PLCB4: variants seen among roughly 807,000 people sequenced by gnomAD.
PLCB4 encodes phospholipase C beta 4.
PLCB4 carries 77 observed loss-of-function variants against 178.8 expected under a neutral mutation model. The observed-to-expected ratio is 0.43, with a 90% CI of 0.36 to 0.52. The LOEUF (loss-of-function observed/expected upper bound fraction) is 0.52. Among genes scored for constraint, PLCB4 ranks in the 20% least tolerant of loss-of-function variants. PLCB4 has a pLI of 0.00. For missense variants in PLCB4, 1,024 were observed against 1,453.4 expected (o/e 0.70, Z 4.80); for synonymous variants, 496 against 490.8 (o/e 1.01, Z -0.14).
In PLCB4 at chr20:9,457,429, C is replaced by T. The variant is rs760922623; in HGVS notation, c.3012C>T (p.Leu1004=). The change falls in exon 34 of 40, where the codon CTC becomes CTT. Residue 1004 remains leucine (L), a synonymous_variant. Coordinates refer to ENST00000378473, the MANE Select transcript of PLCB4 (RefSeq NM_001377142.1). ...AMKKKGGSNC[L]EMKKETEIKI... ...CCATTTTCAGGGGAAGTAATTGTCT[C>T]GAAATGAAAAAAGAAACAGAAATCA... The T allele has an allele frequency of 3.7e-5, 57 of 1,539,788 alleles. 1 individual carries two copies. The highest frequency in any genetic ancestry group is 3.4e-4 in the Middle Eastern group (2 of 5,956).
intron 2 of PLCB4, among the ~76,000 whole-genome samples, chr20:9,190,031 C>G (rs1428151761): frequency 6.6e-6 from 1 of 152,118 alleles, no homozygotes; most frequent in Non-Finnish European, 1.5e-5. Flanking sequence ...CTCGGAGGCA[C>G]AAACTCACAT....
At chr20:9,187,944 T>G (rs555035012) in intron 2 of PLCB4, among the ~76,000 whole-genome samples, 1 of 152,346 alleles carries the variant, frequency 6.6e-6, no homozygotes, top group East Asian at 1.9e-4. Context: ...GGGTTATAAA[T>G]ATGGCTCTGG....
intron 7 of PLCB4, among the ~76,000 whole-genome samples, chr20:9,352,099 T>C (rs2034397022): frequency 6.6e-6 from 1 of 152,206 alleles, no homozygotes; most frequent in African/African-American, 2.4e-5. Context: ...CCTCCATTCT[T>C]CTAGAGCTTT....
rs1006153764 is a variant in PLCB4 at position 9,456,096 on chromosome 20, G to A, written c.2997-1318G>A. Reference sequence around the variant, plus strand: ...AGTGATCTGCCTACCTTGGCTTCCCGAAGTGCTGGAATTACAAGCGTGAGC... The same window carrying A: ...AGTGATCTGCCTACCTTGGCTTCCCAAAGTGCTGGAATTACAAGCGTGAGC... On this transcript the variant is annotated intron_variant, in intron 33 of 39. Coordinates refer to ENST00000378473, the MANE Select transcript of PLCB4 (RefSeq NM_001377142.1). 3.9e-5 allele frequency among the ~76,000 whole-genome samples: 6 copies of A among 152,180 alleles called. No homozygotes were observed. The East Asian group carries it at 5.8e-4, about 15-fold the overall frequency.
In PLCB4 at chr20:9,457,425, G is replaced by A. The variant is rs1025751965; in HGVS notation, c.3008G>A (p.Cys1003Tyr). Residue 1003 changes from cysteine (C) to tyrosine (Y), a missense_variant, in exon 34 of 40, where the codon TGT (cysteine) becomes TAT (tyrosine). Physicochemically the swap from Cys to Tyr is radical, Grantham distance 194. This residue lies in a region of PLCB4 where 264 missense variants were observed against 283.2 expected (regional missense o/e 0.93). Coordinates refer to ENST00000378473, the MANE Select transcript of PLCB4 (RefSeq NM_001377142.1). ...KAMKKKGGSN[C>Y]LEMKKETEIK... ...CTTTCCATTTTCAGGGGAAGTAATT[G>A]TCTCGAAATGAAAAAAGAAACAGAA... 6.6e-7 allele frequency: 1 copy of A among 1,525,156 alleles called. No homozygotes were observed. The allele number at this position is 1,525,156 out of a possible 1,614,324, so 94.5% of individuals were successfully genotyped here.
intron 2 of PLCB4, among the ~76,000 whole-genome samples, chr20:9,102,878 A>G (rs549912081): frequency 6.6e-6 from 1 of 152,254 alleles, no homozygotes; most frequent in East Asian, 1.9e-4. Context: ...TATGAACACC[A>G]AAAAAAGTCT....
chr20:9,090,452 G>A (rs1050750398), intron 1 of PLCB4, among the ~76,000 whole-genome samples: 3 of 150,832 alleles, frequency 2.0e-5, no homozygotes, highest in Non-Finnish European at 4.4e-5. Flanking sequence ...AAATGGAAGT[G>A]TGCTTTGTCA....
At chr20:9,093,392 G>C (rs368137524) in intron 1 of PLCB4, among the ~76,000 whole-genome samples, 15 of 152,268 alleles carry the variant, frequency 9.9e-5, no homozygotes, top group African/African-American at 3.6e-4. Context: ...CTGAGGCTGA[G>C]TTGCTCTGGT....
chr20:9,431,654 GTGTGTGTGT>G (rs1351477055), intron 28 of PLCB4, among the ~76,000 whole-genome samples: 3 of 112,982 alleles, frequency 2.7e-5, no homozygotes, highest in African/African-American at 1.2e-4. Context: ...GTGTGTTTGT[GTGTGTGTGT>G]GTGTGTGTGT....
intron 36 of PLCB4, among the ~76,000 whole-genome samples, 154 bp downstream of exon 36, chr20:9,468,826 T>G (rs1362584159): frequency 2.6e-5 from 4 of 152,238 alleles, no homozygotes; most frequent in Non-Finnish European, 2.9e-5. Flanking sequence ...AATGGAGATT[T>G]GTTATTATCA....
At chr20:9,192,499 A>G (rs1418432169) in intron 2 of PLCB4, among the ~76,000 whole-genome samples, 1 of 149,970 alleles carries the variant, frequency 6.7e-6, no homozygotes. Flanking sequence ...TGGTTTAAAG[A>G]TAGCTGTCAG....
chr20:9,427,881 A>G (rs2041135366), intron 28 of PLCB4, among the ~76,000 whole-genome samples: 1 of 152,112 alleles, frequency 6.6e-6, no homozygotes, highest in Non-Finnish European at 1.5e-5. Flanking sequence ...GTGTTTCATG[A>G]GCCTCCCAGC....
At chr20:9,367,166 C>G in intron 9 of PLCB4, among the ~76,000 whole-genome samples, 1 of 152,222 alleles carries the variant, frequency 6.6e-6, no homozygotes, top group South Asian at 2.1e-4. Context: ...CCTCATTTTT[C>G]TCAATCTTGT....
chr20:9,396,433 A>T (rs1000739498), intron 19 of PLCB4, among the ~76,000 whole-genome samples: 5 of 152,250 alleles, frequency 3.3e-5, no homozygotes, highest in African/African-American at 1.2e-4. Context: ...CTGTGTAGCT[A>T]GATAATTTTA....
chr20:9,197,152 T>C (rs2093481789), intron 2 of PLCB4, among the ~76,000 whole-genome samples: 1 of 152,250 alleles, frequency 6.6e-6, no homozygotes, highest in Non-Finnish European at 1.5e-5. Context: ...AATTATTAGA[T>C]GCCTCCAGGT....
At chr20:9,367,187 A>G (rs925356858) in intron 9 of PLCB4, among the ~76,000 whole-genome samples, 1 of 152,240 alleles carries the variant, frequency 6.6e-6, no homozygotes, top group African/African-American at 2.4e-5. Flanking sequence ...ATATTAAACA[A>G]TCACGACCTA....
intron 2 of PLCB4, among the ~76,000 whole-genome samples, chr20:9,124,252 T>G (rs1253366337): frequency 1.3e-5 from 2 of 152,130 alleles, no homozygotes; most frequent in Admixed American, 6.5e-5. Context: ...ACACCTGTAA[T>G]CCCAGAACTT....
chr20:9,248,485 T>C (rs972240976), intron 3 of PLCB4, among the ~76,000 whole-genome samples: 1 of 152,200 alleles, frequency 6.6e-6, no homozygotes, highest in African/African-American at 2.4e-5. Context: ...CACTTGAAGT[T>C]CCTGGAGCAT....
At chr20:9,111,358 TTAATA>T (rs1568770128) in intron 2 of PLCB4, among the ~76,000 whole-genome samples, 1 of 152,194 alleles carries the variant, frequency 6.6e-6, no homozygotes, top group Non-Finnish European at 1.5e-5. Flanking sequence ...CTTTTCCTAC[TTAATA>T]TATTATGAAT....
Sources: gnomAD v4.1 joint callset for allele counts (sites outside exome capture counted in the v4.1 genomes callset) on GRCh38, gnomAD v4.1.1 for gene constraint, gnomAD v4.1.1 regional missense constraint, MANE v1.5 for transcripts, NCBI Gene and HGNC (gene_info 2026-07-23, HGNC 2026-07-21) for gene names.